The following MACROD2 variants were observed in gnomAD, a reference collection of about 807,000 sequenced individuals.
MACROD2 encodes the protein mono-ADP ribosylhydrolase 2.
A neutral mutation model predicts 70.4 loss-of-function variants in MACROD2; 36 were observed. That is an observed-to-expected ratio of 0.51 (90% CI 0.39 to 0.68). The LOEUF is 0.68. MACROD2 is among the 30% of genes least tolerant of loss of function. The pLI is 0.00. For synonymous variants in MACROD2, 172 were observed against 178.8 expected (o/e 0.96, Z 0.30); for missense variants, 496 against 538.4 (o/e 0.92, Z 0.78).
chr20:14,225,526 A>G (rs2081724577), intron 3 of MACROD2, among the ~76,000 whole-genome samples: 1 of 152,248 alleles, frequency 6.6e-6, no homozygotes, highest in Non-Finnish European at 1.5e-5. Context: ...ATTGTTAAAA[A>G]TAATTACTGA....
At chr20:14,015,797 T>C (rs764741190) in intron 2 of MACROD2, among the ~76,000 whole-genome samples, 9 of 152,364 alleles carry the variant, frequency 5.9e-5, no homozygotes, top group Middle Eastern at 3.4e-3. Context: ...TGTTGTAGTA[T>C]GTGTAAGAAT....
At chr20:15,708,654 C>T (rs79040770) in intron 8 of MACROD2, among the ~76,000 whole-genome samples, 2,297 of 129,544 alleles carry the variant, frequency 0.018, 21 homozygotes, top group Non-Finnish European at 0.031. Flanking sequence ...AGTAGGATTG[C>T]TTAAGGCCAG....
intron 4 of MACROD2, among the ~76,000 whole-genome samples, chr20:14,504,313 A>C (rs1002164702): frequency 1.3e-5 from 2 of 152,194 alleles, no homozygotes; most frequent in Non-Finnish European, 1.5e-5. Flanking sequence ...TATTCTGAGT[A>C]GATAGATATT....
chr20:15,295,792 A>C (rs982946757), intron 6 of MACROD2, among the ~76,000 whole-genome samples: 37 of 152,190 alleles, frequency 2.4e-4, no homozygotes, highest in Non-Finnish European at 5.1e-4. Flanking sequence ...GTATAAAGAA[A>C]GAGCAGATAA....
chr20:15,426,107 C>A, intron 6 of MACROD2, among the ~76,000 whole-genome samples: 1 of 151,786 alleles, frequency 6.6e-6, no homozygotes, highest in Non-Finnish European at 1.5e-5. Context: ...AACCAGAGAC[C>A]TTTGTTCACT....
At chr20:14,437,733 A>G (rs749441280) in intron 3 of MACROD2, among the ~76,000 whole-genome samples, 1 of 152,238 alleles carries the variant, frequency 6.6e-6, no homozygotes, top group Non-Finnish European at 1.5e-5. Flanking sequence ...TGGTACTTAT[A>G]TAAATGAATT....
At chr20:15,522,679 A>G (rs571717554) in intron 8 of MACROD2, among the ~76,000 whole-genome samples, 2 of 152,300 alleles carry the variant, frequency 1.3e-5, no homozygotes, top group Admixed American at 6.5e-5. Context: ...CCGTAAGTAT[A>G]TAGGCAAATT....
chr20:15,474,320 A>G (rs2046994921), intron 7 of MACROD2, among the ~76,000 whole-genome samples: 1 of 151,828 alleles, frequency 6.6e-6, no homozygotes, highest in African/African-American at 2.4e-5. Flanking sequence ...GTTTGTTTTT[A>G]TTATCCCTTA....
At chr20:14,563,301 G>A (rs1463527991) in intron 4 of MACROD2, among the ~76,000 whole-genome samples, 2 of 151,904 alleles carry the variant, frequency 1.3e-5, no homozygotes, top group African/African-American at 2.4e-5. Flanking sequence ...CAAGAGTATG[G>A]TAATATGCAG....
intron 8 of MACROD2, among the ~76,000 whole-genome samples, chr20:15,770,738 C>T (rs759206692): frequency 6.6e-5 from 10 of 152,010 alleles, no homozygotes; most frequent in Non-Finnish European, 1.3e-4. Flanking sequence ...AACCTTGGCT[C>T]CAGGCTAAGA....
intron 5 of MACROD2, among the ~76,000 whole-genome samples, chr20:14,856,905 A>G (rs912054444): frequency 6.6e-6 from 1 of 152,102 alleles, no homozygotes; most frequent in African/African-American, 2.4e-5. Flanking sequence ...TATTTCCATC[A>G]TCTCATTTTG....
chr20:14,476,562 G>T (rs1411639030), intron 3 of MACROD2, among the ~76,000 whole-genome samples: 1 of 151,994 alleles, frequency 6.6e-6, no homozygotes, highest in African/African-American at 2.4e-5. Flanking sequence ...TCACTATGTT[G>T]GCCAGGCTGG....
chr20:15,807,970 C>T (rs1284384247), intron 8 of MACROD2, among the ~76,000 whole-genome samples: 1 of 151,972 alleles, frequency 6.6e-6, no homozygotes, highest in East Asian at 1.9e-4. Context: ...CTGACCTAAT[C>T]AGTTATTTGC....
intron 3 of MACROD2, among the ~76,000 whole-genome samples, chr20:14,267,290 G>A (rs2082151831): frequency 6.6e-6 from 1 of 152,084 alleles, no homozygotes; most frequent in Admixed American, 6.5e-5. Context: ...CTACAACAGT[G>A]CTGCAAGGAA....
intron 3 of MACROD2, among the ~76,000 whole-genome samples, chr20:14,333,779 G>GT (rs2082885591): frequency 1.3e-5 from 2 of 152,120 alleles, no homozygotes. Context: ...AAAATACATT[G>GT]TTTTTCATGT....
At chr20:15,366,485 G>T (rs1004169734) in intron 6 of MACROD2, among the ~76,000 whole-genome samples, 49 of 152,144 alleles carry the variant, frequency 3.2e-4, no homozygotes, top group African/African-American at 1.1e-3. Flanking sequence ...AAATTCAACT[G>T]TTGTCCTTTC....
At chr20:14,382,823 T>C (rs1009396039) in intron 3 of MACROD2, among the ~76,000 whole-genome samples, 1 of 152,226 alleles carries the variant, frequency 6.6e-6, no homozygotes. Flanking sequence ...TTCAGAACTT[T>C]TACCATAACT....
At chr20:14,846,306 C>G (rs2073139383) in intron 5 of MACROD2, among the ~76,000 whole-genome samples, 1 of 151,976 alleles carries the variant, frequency 6.6e-6, no homozygotes, top group Non-Finnish European at 1.5e-5. Context: ...TCACTGCAAC[C>G]TCCACCTCCT....
chr20:15,324,022 A>G (rs1838807246), intron 6 of MACROD2, among the ~76,000 whole-genome samples: 1 of 152,080 alleles, frequency 6.6e-6, no homozygotes, highest in Admixed American at 6.6e-5. Flanking sequence ...TCTTCTGTTC[A>G]ATGTGACAAG....
Sources: allele counts gnomAD v4.1 joint callset (sites outside exome capture counted in the v4.1 genomes callset), GRCh38; gene constraint gnomAD v4.1.1; transcripts MANE v1.5; gene names NCBI Gene and HGNC (gene_info 2026-07-23, HGNC 2026-07-21).